KIF6: variants seen among roughly 807,000 people sequenced by gnomAD.
The protein encoded by KIF6 is kinesin family member 6, also known as kinesin-like protein KIF6.
In KIF6, 106 loss-of-function variants were observed where a neutral mutation model predicts 112.7. The observed-to-expected ratio is 0.94, with a 90% CI of 0.80 to 1.11. KIF6 has a LOEUF of 1.11. Ranked by LOEUF, KIF6 falls within the 50% of genes least tolerant of loss-of-function variation. KIF6 has a pLI of 0.00. For synonymous variants in KIF6, 339 were observed against 339.9 expected (o/e 1.00, Z 0.03); for missense variants, 929 against 964.0 (o/e 0.96, Z 0.48).
intron 15 of KIF6, among the ~76,000 whole-genome samples, chr6:39,410,763 G>C (rs1769419546): frequency 6.6e-6 from 1 of 152,156 alleles, no homozygotes; most frequent in South Asian, 2.1e-4. Context: ...CACCTAATAA[G>C]AGCTGAACTA....
At chr6:39,684,882 C>T (rs1787765273) in intron 3 of KIF6, among the ~76,000 whole-genome samples, 2 of 151,892 alleles carry the variant, frequency 1.3e-5, no homozygotes, top group Admixed American at 6.6e-5. Context: ...GCTTAAAGAT[C>T]AAATAGGACA....
At chr6:39,339,977 A>G (rs766204474) in intron 22 of KIF6, among the ~76,000 whole-genome samples, 22 of 152,222 alleles carry the variant, frequency 1.4e-4, no homozygotes, top group Non-Finnish European at 3.1e-4. Context: ...TCGAGAGCCC[A>G]GGCAGGGAGA....
intron 10 of KIF6, among the ~76,000 whole-genome samples, chr6:39,574,995 C>G (rs1183402301): frequency 6.6e-6 from 1 of 152,164 alleles, no homozygotes; most frequent in African/African-American, 2.4e-5. Flanking sequence ...GATTTTGCTT[C>G]ATAAAAGTCA....
At chr6:39,694,581 C>T (rs1788417360) in intron 3 of KIF6, among the ~76,000 whole-genome samples, 1 of 151,718 alleles carries the variant, frequency 6.6e-6, no homozygotes, top group Non-Finnish European at 1.5e-5. Context: ...GCCACACACA[C>T]CAAAAAAATA....
chr6:39,614,373 T>C (rs955325988), intron 5 of KIF6, among the ~76,000 whole-genome samples: 2 of 152,232 alleles, frequency 1.3e-5, no homozygotes, highest in African/African-American at 4.8e-5. Flanking sequence ...CCAGCACTAC[T>C]TTTCCTTTAA....
rs370813610 is a variant in KIF6, at chr6:39,519,703, C to CAAACA, written c.1645+20295_1645+20299dup. Among the ~76,000 whole-genome samples, 779 of 146,124 alleles carry CAAACA rather than the reference C, an allele frequency of 5.3e-3. 9 individuals are homozygous for CAAACA. The highest frequency in any genetic ancestry group is 0.017 in the African/African-American group (658 of 37,918). ...ACTGCCCCCACATCCCACCCCGCTCCAAACAAAACAAAACAAAACAAAACA... is the reference window on the plus strand; with the variant it reads ...ACTGCCCCCACATCCCACCCCGCTCCAAACAAAACAAAACAAAACAAAACAAAACA... On this transcript the variant is annotated intron_variant, in intron 13 of 22. Transcript: ENST00000287152.
chr6:39,472,509 G>A (rs1040234664), intron 13 of KIF6, among the ~76,000 whole-genome samples: 1 of 152,280 alleles, frequency 6.6e-6, no homozygotes, highest in South Asian at 2.1e-4. Flanking sequence ...AGTGCCAACT[G>A]CAATAGGAAA....
chr6:39,725,195 C>T (rs1307998841), intron 1 of KIF6, 50 bp downstream of exon 1: 1 of 1,542,584 alleles, frequency 6.5e-7, no homozygotes. Flanking sequence ...CGCCCGACCC[C>T]AGCCCAAGAG....
intron 13 of KIF6, among the ~76,000 whole-genome samples, chr6:39,523,369 C>T (rs1453820537): frequency 1.3e-5 from 2 of 152,028 alleles, no homozygotes; most frequent in Non-Finnish European, 2.9e-5. Flanking sequence ...GGCCATGCTA[C>T]TTTTCTGTTA....
intron 13 of KIF6, among the ~76,000 whole-genome samples, chr6:39,455,306 G>T (rs1011604533): frequency 6.6e-6 from 1 of 151,506 alleles, no homozygotes; most frequent in African/African-American, 2.4e-5. Context: ...TGCAGCTGAG[G>T]GTCCTGTCTG....
chr6:39,551,699 G>C (rs1582115466), intron 10 of KIF6, among the ~76,000 whole-genome samples: 1 of 152,048 alleles, frequency 6.6e-6, no homozygotes, highest in East Asian at 1.9e-4. Context: ...TAACTTAAAG[G>C]AATATGATAA....
At chr6:39,501,059 C>G (rs920590781) in intron 13 of KIF6, among the ~76,000 whole-genome samples, 1 of 152,046 alleles carries the variant, frequency 6.6e-6, no homozygotes, top group African/African-American at 2.4e-5. Context: ...TGGGACTGAT[C>G]AGGGAAACAA....
chr6:39,650,243 C>G (rs1785402604), intron 3 of KIF6, among the ~76,000 whole-genome samples: 1 of 152,164 alleles, frequency 6.6e-6, no homozygotes, highest in African/African-American at 2.4e-5. Context: ...AGTTCATGGA[C>G]CAAATCCAGG....
chr6:39,413,140 G>A (rs1362231616), intron 15 of KIF6, among the ~76,000 whole-genome samples: 8 of 151,978 alleles, frequency 5.3e-5, no homozygotes. Context: ...TATAATCCCC[G>A]AGTTTTCAGT....
In KIF6 at chr6:39,682,868, G is replaced by GC. The variant is rs1232044467; in HGVS notation, c.251+31823dup. On this transcript the variant is annotated intron_variant, in intron 3 of 22. Coordinates refer to ENST00000287152, the MANE Select transcript of KIF6 (RefSeq NM_145027.6). The stretch of plus-strand genomic sequence containing the variant: ...GCTGGGGTTACAGGCATGAGCCACC[G>GC]CGCCAGCGTGACTAGATATTTCTAA... Among the ~76,000 whole-genome samples the GC allele has an allele frequency of 2.2e-4, 7 of 31,130 alleles. 1 individual carries two copies. The highest frequency in any genetic ancestry group is 4.5e-4 in the Admixed American group (1 of 2,214). 20.4% of individuals were successfully genotyped at this position (31,130 alleles called of 152,430 possible).
intron 7 of KIF6, among the ~76,000 whole-genome samples, chr6:39,589,156 G>C (rs1389090404): frequency 6.6e-6 from 1 of 152,154 alleles, no homozygotes; most frequent in Non-Finnish European, 1.5e-5. Flanking sequence ...TGAAATTGCT[G>C]TTCCTTCTGC....
At chr6:39,423,360 T>TC (rs1285731574) in intron 14 of KIF6, among the ~76,000 whole-genome samples, 1 of 152,118 alleles carries the variant, frequency 6.6e-6, no homozygotes. Context: ...TCTGTCTTTT[T>TC]CCCCCTCTCT....
intron 19 of KIF6, 25 bp downstream of exon 19, chr6:39,357,252 C>T (rs768333480): frequency 6.6e-7 from 1 of 1,511,694 alleles, no homozygotes; most frequent in Non-Finnish European, 9.1e-7. Context: ...GGAACTCTAA[C>T]ACCTCCGGTG....
chr6:39,466,113 A>G (rs1280360908), intron 13 of KIF6, among the ~76,000 whole-genome samples: 1 of 152,186 alleles, frequency 6.6e-6, no homozygotes, highest in Non-Finnish European at 1.5e-5. Context: ...GCACTCCAGG[A>G]GTTAACACAG....
Sources: allele counts gnomAD v4.1 joint callset (sites outside exome capture counted in the v4.1 genomes callset), GRCh38; gene constraint gnomAD v4.1.1; transcripts MANE v1.5; gene names NCBI Gene and HGNC (gene_info 2026-07-23, HGNC 2026-07-21).